Variants in NCS1 observed in about 807,000 individuals in gnomAD.
NCS1 encodes frequenin homolog.
Under a neutral mutation model 28.4 loss-of-function variants are expected in NCS1, and 6 were observed. The ratio of observed to expected loss-of-function variants is 0.21; its 90% confidence interval spans 0.12 to 0.42. The LOEUF (loss-of-function observed/expected upper bound fraction) is 0.42. Ranked by LOEUF, NCS1 falls within the 10% of genes least tolerant of loss-of-function variation. The pLI is 1.00. For synonymous variants in NCS1, 86 were observed against 99.3 expected, an observed-to-expected ratio of 0.87 and a Z score of 0.79; for missense variants, 131 against 241.4, an observed-to-expected ratio of 0.54 and a Z score of 3.03.
At chr9:130,205,308 G>T (rs184337570) in intron 2 of NCS1, among the ~76,000 whole-genome samples, 3 of 152,036 alleles carry the variant, frequency 2.0e-5, no homozygotes, top group African/African-American at 7.2e-5. Flanking sequence ...CGGTGTGGAG[G>T]CTCCCGCAGC....
At chr9:130,203,458 G>A (rs1483868773) in intron 2 of NCS1, among the ~76,000 whole-genome samples, 3 of 152,114 alleles carry the variant, frequency 2.0e-5, no homozygotes, top group Non-Finnish European at 4.4e-5. Flanking sequence ...AGGAGTCTTC[G>A]GGGGACCATG....
chr9:130,186,603 C>A lies in NCS1; in HGVS notation c.64+13876C>A, dbSNP rs782336708. ...TTCCAGGGCTCCCGAACCCCCAGCC[C>A]CAGGAAGGGGTGGGAGACACAGAGC... On this transcript the variant is annotated intron_variant, in intron 1 of 7. Coordinates refer to ENST00000372398, the MANE Select transcript of NCS1 (RefSeq NM_014286.4). The surrounding 1 kb of genome is among the most constrained non-coding windows in gnomAD (Gnocchi z 4.1). 6.6e-6 allele frequency among the ~76,000 whole-genome samples: 1 copy of A among 152,070 alleles called. No homozygotes were observed. Among genetic ancestry groups the A allele is most frequent in the Non-Finnish European group, 1.5e-5 (1 of 68,018 alleles).
Position 130,226,971 on chromosome 9 carries a change from C to T in NCS1, c.*17+467C>T, listed in dbSNP as rs1433602477. Among the ~76,000 whole-genome samples, 4 of 143,064 alleles carry T rather than the reference C, an allele frequency of 2.8e-5. No individual in the cohort carries two copies. The highest frequency in any genetic ancestry group is 1.5e-5 in the Non-Finnish European group (1 of 67,052). The allele number at this position is 143,064 out of a possible 152,430, so 93.9% of individuals were successfully genotyped here. On this transcript the variant is annotated intron_variant, in intron 7 of 7. Coordinates refer to ENST00000372398, the MANE Select transcript of NCS1 (RefSeq NM_014286.4). This position sits in a 1 kb window ranked among gnomAD's most constrained non-coding sequence, Gnocchi z 4.8. The stretch of plus-strand genomic sequence containing the variant: ...CCAGGAGGTGGAGATTGCAGTGAGC[C>T]GAGATCGTGCCACTGCACTCCAGCC...
At chr9:130,206,506 T>G (rs782268045) in intron 2 of NCS1, among the ~76,000 whole-genome samples, 3 of 150,236 alleles carry the variant, frequency 2.0e-5, no homozygotes, top group Non-Finnish European at 4.4e-5. Context: ...CCTCCTGGGT[T>G]CAAGTGATTC....
At chr9:130,223,966 C>A (rs1418049069) in intron 6 of NCS1, among the ~76,000 whole-genome samples, 1 of 151,918 alleles carries the variant, frequency 6.6e-6, no homozygotes, top group Non-Finnish European at 1.5e-5. Flanking sequence ...CCTGCCTCAG[C>A]CTCCCGAGTA....
intron 1 of NCS1, among the ~76,000 whole-genome samples, chr9:130,174,034 GGTGAA>G: frequency 1.3e-5 from 2 of 152,190 alleles, no homozygotes; most frequent in African/African-American, 4.8e-5. Context: ...ACCTGGAAGG[GGTGAA>G]GCCCCTGGGC....
At chr9:130,195,247 G>T (rs1322135928) in intron 1 of NCS1, among the ~76,000 whole-genome samples, 1 of 152,144 alleles carries the variant, frequency 6.6e-6, no homozygotes, top group Admixed American at 6.5e-5. Context: ...GCTGGCCAAG[G>T]CCCTCTCTGG....
intron 3 of NCS1, among the ~76,000 whole-genome samples, chr9:130,218,358 AATGCACACAT>A (rs1482926274): frequency 2.0e-5 from 3 of 152,352 alleles, no homozygotes; most frequent in Admixed American, 6.5e-5. Flanking sequence ...AGTGCACAGA[AATGCACACAT>A]ATGCACACAA....
At chr9:130,230,726 G>T (rs1375769612) in intron 7 of NCS1, among the ~76,000 whole-genome samples, 3 of 146,710 alleles carry the variant, frequency 2.0e-5, no homozygotes, top group African/African-American at 7.7e-5. Context: ...AAAAAAAAAA[G>T]TGTAATGTTT....
At chr9:130,231,623 A>G (rs1436661772) in intron 7 of NCS1, among the ~76,000 whole-genome samples, 2 of 152,034 alleles carry the variant, frequency 1.3e-5, no homozygotes, top group Admixed American at 1.3e-4. Context: ...AACTCAGGTG[A>G]TCCGCGTACC....
At chr9:130,194,889 G>A (rs781909920) in intron 1 of NCS1, among the ~76,000 whole-genome samples, 5 of 152,236 alleles carry the variant, frequency 3.3e-5, no homozygotes, top group African/African-American at 7.2e-5. Context: ...TTGAGGATGT[G>A]TTCTAAACCC....
rs1554905094 is a variant in NCS1 at position 130,180,827 on chromosome 9, T to G, written c.64+8100T>G. ...AATCACAGAGTGAGCTGTCACAGGC[T>G]CTTGGCTGAATTGGGAGCGAGTGGC... On this transcript the variant is annotated intron_variant, in intron 1 of 7. Transcript: ENST00000372398. This position sits in a 1 kb window ranked among gnomAD's most constrained non-coding sequence, Gnocchi z 4.5. Among the ~76,000 whole-genome samples the G allele has an allele frequency of 6.6e-6, 1 of 152,168 alleles. No homozygotes were observed. The highest frequency in any genetic ancestry group is 1.5e-5 in the Non-Finnish European group (1 of 68,044).
At chr9:130,217,768 T>C (rs185174823) in intron 2 of NCS1, 64 bp from the exon 3 acceptor site, 23 of 1,609,824 alleles carry the variant, frequency 1.4e-5, no homozygotes, top group Non-Finnish European at 1.8e-5. Context: ...GCAGGCGATG[T>C]TGGTGGTGGG....
intron 1 of NCS1, among the ~76,000 whole-genome samples, chr9:130,194,175 A>G (rs1195966898): frequency 6.6e-6 from 1 of 152,204 alleles, no homozygotes; most frequent in Non-Finnish European, 1.5e-5. Flanking sequence ...AGCTTCAATC[A>G]GGAGAGAGGT....
intron 3 of NCS1, among the ~76,000 whole-genome samples, chr9:130,218,222 C>G (rs1403738356): frequency 6.6e-6 from 1 of 152,232 alleles, no homozygotes; most frequent in Non-Finnish European, 1.5e-5. Flanking sequence ...CACACATGTA[C>G]TGACATGCAC....
Position 130,233,745 on chromosome 9 carries a change from C to G in NCS1, c.*773C>G, listed in dbSNP as rs1833532792. 1 of 152,500 alleles carries G rather than the reference C, an allele frequency of 6.6e-6. No homozygotes were observed. The highest frequency in any genetic ancestry group is 1.5e-5 in the Non-Finnish European group (1 of 68,026). 9.4% of individuals were successfully genotyped at this position (152,500 alleles called of 1,614,324 possible). ...CATGTGCACGCCCTGACCCACCTGC[C>G]CACGCCGACTTGGGAGGATGGTGGC... is the stretch of plus-strand genomic sequence containing the variant. On this transcript the variant is annotated 3_prime_UTR_variant, in exon 8 of 8. Coordinates refer to ENST00000372398, the MANE Select transcript of NCS1 (RefSeq NM_014286.4). The surrounding 1 kb of genome is among the most constrained non-coding windows in gnomAD (Gnocchi z 4.8).
chr9:130,214,286 G>T (rs922231736), intron 2 of NCS1, among the ~76,000 whole-genome samples: 2 of 152,208 alleles, frequency 1.3e-5, no homozygotes, highest in African/African-American at 4.8e-5. Flanking sequence ...GGCCTGGCGG[G>T]AGAGTGGGTG....
intron 2 of NCS1, among the ~76,000 whole-genome samples, chr9:130,216,921 G>A (rs1432590132): frequency 1.3e-5 from 2 of 151,734 alleles, no homozygotes; most frequent in African/African-American, 2.4e-5. Flanking sequence ...GGGTGGGGCG[G>A]GAGGGGTGGT....
intron 2 of NCS1, among the ~76,000 whole-genome samples, chr9:130,211,123 G>C (rs782388782): frequency 1.1e-4 from 16 of 150,814 alleles, no homozygotes; most frequent in Non-Finnish European, 1.8e-4. Context: ...AAAGTGCTGG[G>C]ATTCCAGGTG....
Sources: gnomAD v4.1 joint callset for allele counts (sites outside exome capture counted in the v4.1 genomes callset) on GRCh38, gnomAD v4.1.1 for gene constraint, Gnocchi (gnomAD v3.1) non-coding constraint, MANE v1.5 for transcripts, NCBI Gene and HGNC (gene_info 2026-07-23, HGNC 2026-07-21) for gene names.